The following FRY variants were observed in gnomAD, a reference collection of about 807,000 sequenced individuals.
FRY encodes protein furry homolog.
A neutral mutation model predicts 348.4 loss-of-function variants in FRY; 128 were observed. That is an observed-to-expected ratio of 0.37 (90% CI 0.32 to 0.43). The LOEUF is 0.43. Among genes scored for constraint, FRY ranks in the 20% least tolerant of loss-of-function variants. FRY has a pLI of 1.00. For missense variants in FRY, 2,736 were observed against 3,695.2 expected (o/e 0.74, Z 6.73); for synonymous variants, 1,370 against 1,374.7 (o/e 1.00, Z 0.08).
Position 32,249,658 on chromosome 13 carries a change from G to A in FRY, c.7141G>A (p.Val2381Met). Reference protein sequence around the residue: ...SGSNSNVLVPVSWKRPQYSQK... With the variant: ...SGSNSNVLVPMSWKRPQYSQK... ...CTCCAACTCCAACGTCCTTGTTCCA[G>A]TGAGCTGGAAAAGGCCCCAGTATTC... The change falls in exon 49 of 61, where the codon GTG (valine) becomes ATG (methionine). Residue 2381 changes from valine (V) to methionine (M), a missense_variant. Physicochemically the swap from Val to Met is conservative, Grantham distance 21. This residue lies in a region of FRY where 789 missense variants were observed against 996.2 expected (regional missense o/e 0.79). Coordinates refer to ENST00000542859, the MANE Select transcript of FRY (RefSeq NM_023037.3). 2 of 1,614,174 alleles carry A rather than the reference G, an allele frequency of 1.2e-6. No homozygotes were observed. The highest frequency in any genetic ancestry group is 8.5e-7 in the Non-Finnish European group (1 of 1,180,038).
At chr13:32,042,869 T>C (rs1462397163) in intron 1 of FRY, among the ~76,000 whole-genome samples, 1 of 152,238 alleles carries the variant, frequency 6.6e-6, no homozygotes, top group African/African-American at 2.4e-5. Context: ...GTACACCTTT[T>C]GTGAGACAAG....
At chr13:32,295,126 T>C in intron 60 of FRY, 76 bp from the exon 61 acceptor site, 3 of 1,290,888 alleles carry the variant, frequency 2.3e-6, no homozygotes, top group Non-Finnish European at 3.4e-6. Flanking sequence ...AATACTCTTA[T>C]ATTAATGAAG....
intron 1 of FRY, among the ~76,000 whole-genome samples, chr13:32,048,339 T>G (rs1351071842): frequency 2.0e-5 from 3 of 152,184 alleles, no homozygotes; most frequent in Non-Finnish European, 4.4e-5. Context: ...CTGAAGTCTC[T>G]TTCCTCTGTA....
chr13:32,246,697 A>C (rs1886823368), intron 47 of FRY, among the ~76,000 whole-genome samples: 1 of 152,218 alleles, frequency 6.6e-6, no homozygotes, highest in African/African-American at 2.4e-5. Context: ...GACACCAGTA[A>C]GGGGCCATTG....
chr13:32,246,292 A>G lies in FRY; in HGVS notation c.6829-1031A>G, dbSNP rs562529626. 1.4e-3 allele frequency among the ~76,000 whole-genome samples: 215 copies of G among 152,360 alleles called. 2 individuals are homozygous for G. The highest frequency in any genetic ancestry group is 5.0e-3 in the African/African-American group (206 of 41,592). ...AAAGTCCAGGCAAAAAATAATAATAACAACTTTCATCAAATTTGTTTATCT... is the reference window on the plus strand; with the variant it reads ...AAAGTCCAGGCAAAAAATAATAATAGCAACTTTCATCAAATTTGTTTATCT... On this transcript the variant is annotated intron_variant, in intron 47 of 60. Coordinates refer to ENST00000542859, the MANE Select transcript of FRY (RefSeq NM_023037.3).
At chr13:32,061,139 G>C (rs1304786271) in intron 1 of FRY, 1 of 533,332 alleles carries the variant, frequency 1.9e-6, no homozygotes, top group Non-Finnish European at 3.8e-6. Context: ...ACGATCCTGT[G>C]TGATCAGCTT....
chr13:32,053,668 C>T (rs1873462725), intron 1 of FRY, among the ~76,000 whole-genome samples: 1 of 152,234 alleles, frequency 6.6e-6, no homozygotes, highest in Non-Finnish European at 1.5e-5. Flanking sequence ...ACTTTGGACA[C>T]TTAAGAGTCT....
intron 19 of FRY, 69 bp from the exon 20 acceptor site, chr13:32,175,477 A>G: frequency 1.1e-6 from 1 of 929,880 alleles, no homozygotes; most frequent in Non-Finnish European, 1.8e-6. Context: ...CATGTATCAG[A>G]CGAAGGCGGT....
At chr13:32,089,230 T>G (rs1157063381) in intron 2 of FRY, among the ~76,000 whole-genome samples, 4 of 152,190 alleles carry the variant, frequency 2.6e-5, no homozygotes, top group African/African-American at 9.6e-5. Flanking sequence ...ACTTGTTTTA[T>G]TAGGTATTTT....
chr13:32,075,312 GCAGT>G (rs1041290543), intron 1 of FRY, among the ~76,000 whole-genome samples: 1 of 152,104 alleles, frequency 6.6e-6, no homozygotes, highest in Non-Finnish European at 1.5e-5. Flanking sequence ...AATTGTGACA[GCAGT>G]CAAAGCCCTC....
At chr13:32,173,293 A>G (rs1044174607) in intron 18 of FRY, 74 bp from the exon 19 acceptor site, 3 of 1,165,018 alleles carry the variant, frequency 2.6e-6, no homozygotes, top group African/African-American at 1.5e-5. Flanking sequence ...TGCAAAAAAT[A>G]TGTAAAACAT....
At chr13:32,043,133 G>A (rs1872828789) in intron 1 of FRY, among the ~76,000 whole-genome samples, 1 of 152,190 alleles carries the variant, frequency 6.6e-6, no homozygotes, top group African/African-American at 2.4e-5. Flanking sequence ...AGCGGCAAGA[G>A]AGAGAATGAG....
Position 32,185,136 on chromosome 13 carries a change from C to A in FRY, c.3307C>A (p.Gln1103Lys). The A allele has an allele frequency of 6.2e-7, 1 of 1,613,710 alleles. No homozygotes were observed. Among genetic ancestry groups the A allele is most frequent in the South Asian group, 1.1e-5 (1 of 91,082 alleles). ...HFSAMVANLI[Q>K]CVPVHHRRFL... Reference sequence around the variant, plus strand: ...TAGTGCAATGGTGGCCAACTTGATTCAGTGTGTTCCAGGTACGGTGATCCG... The same window carrying A: ...TAGTGCAATGGTGGCCAACTTGATTAAGTGTGTTCCAGGTACGGTGATCCG... Residue 1103 changes from glutamine to lysine, a missense_variant, in exon 26 of 61, where the codon CAG (glutamine) becomes AAG (lysine). Physicochemically the swap from Gln to Lys is moderately conservative, Grantham distance 53. Coordinates refer to ENST00000542859, the MANE Select transcript of FRY (RefSeq NM_023037.3).
chr13:32,072,076 C>T (rs1186604038), intron 1 of FRY, among the ~76,000 whole-genome samples: 2 of 152,052 alleles, frequency 1.3e-5, no homozygotes, highest in African/African-American at 2.4e-5. Flanking sequence ...GGAGATTAGC[C>T]TTCTAGGATT....
intron 1 of FRY, among the ~76,000 whole-genome samples, chr13:32,076,030 T>C (rs1197249377): frequency 1.3e-5 from 2 of 152,236 alleles, no homozygotes; most frequent in Non-Finnish European, 2.9e-5. Flanking sequence ...TTTTTTATGA[T>C]AGCAGTGAAT....
At chr13:32,127,971 A>G (rs1252592655) in intron 7 of FRY, among the ~76,000 whole-genome samples, 1 of 152,188 alleles carries the variant, frequency 6.6e-6, no homozygotes, top group East Asian at 1.9e-4. Context: ...TTAAAACTAT[A>G]TAACTCTAAC....
intron 46 of FRY, among the ~76,000 whole-genome samples, chr13:32,243,319 A>G (rs1384696764): frequency 1.3e-5 from 2 of 152,190 alleles, no homozygotes; most frequent in African/African-American, 4.8e-5. Context: ...CTAGCGTTCA[A>G]TACTTGAATT....
Position 32,272,471 on chromosome 13 carries a change from T to C in FRY, c.8137-2371T>C, listed in dbSNP as rs567298256. ...CCAAATTATATAATGTGTGATGGAA[T>C]TCACAAGAAAACAAAACTGAATTTA... is the stretch of plus-strand genomic sequence containing the variant. On this transcript the variant is annotated intron_variant, in intron 55 of 60. Transcript: ENST00000542859. Among the ~76,000 whole-genome samples the C allele has an allele frequency of 1.4e-4, 22 of 152,320 alleles. No homozygotes were observed. The East Asian group carries it at 4.1e-3, about 28-fold the overall frequency.
chr13:32,276,495 A>C lies in FRY; in HGVS notation c.8318A>C (p.Lys2773Thr). 5 of 1,604,508 alleles carry C rather than the reference A, an allele frequency of 3.1e-6. No homozygotes were observed. The highest frequency in any genetic ancestry group is 4.3e-6 in the Non-Finnish European group (5 of 1,171,204). ...LLSCGLLDKL[K>T]FSVLELQEYL... ...TCATGTGGACTTCTGGACAAGCTCA[A>C]GTTCAGTGTGTTAGAACTGCAAGAA... The change falls in exon 57 of 61, where the codon AAG becomes ACG. Residue 2773 changes from lysine to threonine, a missense_variant. Physicochemically the swap from Lys to Thr is moderately conservative, Grantham distance 78. Transcript: ENST00000542859.
Sources: gnomAD v4.1 joint callset for allele counts (sites outside exome capture counted in the v4.1 genomes callset) on GRCh38, gnomAD v4.1.1 for gene constraint, gnomAD v4.1.1 regional missense constraint, MANE v1.5 for transcripts, NCBI Gene and HGNC (gene_info 2026-07-23, HGNC 2026-07-21) for gene names.